Variants in VEGFC observed in about 807,000 individuals in gnomAD.
The protein encoded by VEGFC is FLT4 ligand DHM.
Under a neutral mutation model 46.1 loss-of-function variants are expected in VEGFC, and 12 were observed. That is an observed-to-expected ratio of 0.26 (90% CI 0.17 to 0.42). VEGFC has a LOEUF of 0.42. Among genes scored for constraint, VEGFC ranks in the 10% least tolerant of loss-of-function variants. The pLI is 1.00. For synonymous variants in VEGFC, 232 were observed against 195.5 expected (o/e 1.19, Z -1.56); for missense variants, 488 against 529.4 (o/e 0.92, Z 0.77).
chr4:176,755,204 G>A (rs1377351689), intron 1 of VEGFC, among the ~76,000 whole-genome samples: 1 of 151,660 alleles, frequency 6.6e-6, no homozygotes, highest in African/African-American at 2.4e-5. Context: ...CATGGTCTCA[G>A]TATTTCAGTA....
chr4:176,780,387 A>AAAAAAAAAC (rs1553997804), intron 1 of VEGFC, among the ~76,000 whole-genome samples: 6 of 114,782 alleles, frequency 5.2e-5, no homozygotes, highest in South Asian at 3.0e-4. Flanking sequence ...ATCTCAAAAA[A>AAAAAAAAAC]AAAAAAAAAA....
At chr4:176,784,065 T>TTTTTG (rs56197224) in intron 1 of VEGFC, among the ~76,000 whole-genome samples, 94,927 of 131,952 alleles carry the variant, frequency 0.72, 37,804 homozygotes, top group East Asian at 0.97. Context: ...CACATGCTGT[T>TTTTTG]TTTTTTTTTT....
chr4:176,692,491 C>T (rs1263793614), intron 4 of VEGFC, among the ~76,000 whole-genome samples: 2 of 134,586 alleles, frequency 1.5e-5, no homozygotes, highest in Admixed American at 7.1e-5. Flanking sequence ...CACGGAGTCT[C>T]GCTGATTGCT....
chr4:176,776,919 T>C (rs759163617), intron 1 of VEGFC, among the ~76,000 whole-genome samples: 1 of 152,226 alleles, frequency 6.6e-6, no homozygotes. Flanking sequence ...ATATTTTAAA[T>C]TATAAATAGC....
chr4:176,689,614 C>T (rs1734112225), intron 4 of VEGFC: 1 of 152,178 alleles, frequency 6.6e-6, no homozygotes, highest in Non-Finnish European at 1.5e-5. Context: ...CTGATTTGAC[C>T]TTTCTTTGTC....
Position 176,729,556 on chromosome 4 carries a change from T to C in VEGFC, c.338A>G (p.His113Arg). ...TEETIKFAAA[H>R]YNTEILKSID... ...ACTTTTCAAGATCTCTGTATTATAATGTGCTGCAGCAAATTTTATAGTCTC... is the reference window on the plus strand; with the variant it reads ...ACTTTTCAAGATCTCTGTATTATAACGTGCTGCAGCAAATTTTATAGTCTC... Residue 113 changes from histidine (H) to arginine (R), a missense_variant, in exon 2 of 7, where the codon CAT becomes CGT. Physicochemically the swap from His to Arg is conservative, Grantham distance 29 (BLOSUM62 0). Transcript: ENST00000618562. 6.2e-7 allele frequency: 1 copy of C among 1,613,444 alleles called. No homozygotes were observed. The highest frequency in any genetic ancestry group is 1.7e-4 in the Middle Eastern group (1 of 6,054).
intron 1 of VEGFC, among the ~76,000 whole-genome samples, chr4:176,748,743 C>G (rs1168976954): frequency 6.6e-6 from 1 of 151,874 alleles, no homozygotes; most frequent in African/African-American, 2.4e-5. Context: ...TGCTAAAACT[C>G]TTTACCAAAG....
intron 1 of VEGFC, among the ~76,000 whole-genome samples, chr4:176,771,601 G>A (rs1364410557): frequency 1.3e-5 from 2 of 152,090 alleles, no homozygotes; most frequent in East Asian, 1.9e-4. Flanking sequence ...TGTGAGTAAC[G>A]TGTAAGACAC....
chr4:176,755,837 TC>T (rs1735424145), intron 1 of VEGFC, among the ~76,000 whole-genome samples: 1 of 152,060 alleles, frequency 6.6e-6, no homozygotes, highest in Admixed American at 6.6e-5. Flanking sequence ...TGATGACTCA[TC>T]TAAACAGCTG....
intron 1 of VEGFC, among the ~76,000 whole-genome samples, chr4:176,787,456 CAA>C (rs11456080): frequency 1.2e-4 from 14 of 114,274 alleles, no homozygotes; most frequent in East Asian, 2.5e-4. Context: ...GACCCTGTCT[CAA>C]AAAAAAAAAA....
At chr4:176,735,285 C>G (rs1391620152) in intron 1 of VEGFC, among the ~76,000 whole-genome samples, 1 of 151,878 alleles carries the variant, frequency 6.6e-6, no homozygotes, top group Non-Finnish European at 1.5e-5. Context: ...TGTTCTTTAT[C>G]CAGCACTTAT....
intron 1 of VEGFC, among the ~76,000 whole-genome samples, chr4:176,745,767 G>A (rs1735250285): frequency 6.6e-6 from 1 of 152,054 alleles, no homozygotes; most frequent in Non-Finnish European, 1.5e-5. Flanking sequence ...GGAAAGTCAG[G>A]CTGTATAAAG....
intron 4 of VEGFC, among the ~76,000 whole-genome samples, chr4:176,695,782 T>C (rs1035876548): frequency 4.6e-5 from 7 of 152,030 alleles, no homozygotes; most frequent in African/African-American, 1.7e-4. Context: ...TTATCCACCA[T>C]GATCAAGCGG....
At chr4:176,744,602 T>G (rs922780885) in intron 1 of VEGFC, among the ~76,000 whole-genome samples, 1 of 152,072 alleles carries the variant, frequency 6.6e-6, no homozygotes, top group Non-Finnish European at 1.5e-5. Context: ...CCCAATATTT[T>G]TATAAAGTCA....
chr4:176,739,094 C>T (rs979997586), intron 1 of VEGFC, among the ~76,000 whole-genome samples: 1 of 151,572 alleles, frequency 6.6e-6, no homozygotes, highest in African/African-American at 2.4e-5. Flanking sequence ...AAAATCAAAA[C>T]CACAATGAGA....
intron 4 of VEGFC, among the ~76,000 whole-genome samples, chr4:176,705,166 T>C (rs978222633): frequency 6.6e-6 from 1 of 152,164 alleles, no homozygotes; most frequent in African/African-American, 2.4e-5. Context: ...TACAGTATTA[T>C]AGAGATAGAA....
At chr4:176,725,125 T>TTGTA (rs1734851709) in intron 3 of VEGFC, among the ~76,000 whole-genome samples, 1 of 152,162 alleles carries the variant, frequency 6.6e-6, no homozygotes, top group Non-Finnish European at 1.5e-5. Flanking sequence ...ATATCCCAAT[T>TTGTA]ACCCTGATTT....
chr4:176,745,355 A>T lies in VEGFC; in HGVS notation c.148-15609T>A, dbSNP rs148554624. Among the ~76,000 whole-genome samples the T allele has an allele frequency of 2.3e-3, 349 of 152,200 alleles. 1 individual carries two copies. Among genetic ancestry groups the T allele is most frequent in the African/African-American group, 8.0e-3 (334 of 41,552 alleles). ...TGAATTATTTGTTCATCATTTGACA[A>T]TCAGGCATTCCATGTGATTAGATCT... is the stretch of plus-strand genomic sequence containing the variant. On this transcript the variant is annotated intron_variant, in intron 1 of 6. Coordinates refer to ENST00000618562, the MANE Select transcript of VEGFC (RefSeq NM_005429.5).
At chr4:176,687,040 T>G in intron 6 of VEGFC, 147 bp downstream of exon 6, 1 of 908,498 alleles carries the variant, frequency 1.1e-6, no homozygotes, top group Non-Finnish European at 1.6e-6. Context: ...AAGTTTAGCA[T>G]TGGTTAAAAA....
Sources: gnomAD v4.1 joint callset for allele counts (sites outside exome capture counted in the v4.1 genomes callset) on GRCh38, gnomAD v4.1.1 for gene constraint, MANE v1.5 for transcripts, NCBI Gene and HGNC (gene_info 2026-07-23, HGNC 2026-07-21) for gene names.